ASNS: variants seen among roughly 807,000 people sequenced by gnomAD.
The protein encoded by ASNS is asparagine synthetase [glutamine-hydrolyzing].
A neutral mutation model predicts 62.6 loss-of-function variants in ASNS; 37 were observed. The ratio of observed to expected loss-of-function variants is 0.59; its 90% CI spans 0.45 to 0.78. The LOEUF is 0.78. Among genes scored for constraint, ASNS ranks in the 30% least tolerant of loss-of-function variants. ASNS has a pLI of 0.00. For missense variants in ASNS, 520 were observed against 682.4 expected (o/e 0.76, Z 2.65); for synonymous variants, 207 against 237.9 (o/e 0.87, Z 1.19).
upstream of ASNS, among the ~76,000 whole-genome samples, chr7:97,876,749 G>T (rs1792446415): frequency 2.0e-5 from 3 of 152,122 alleles, no homozygotes; most frequent in South Asian, 6.2e-4. Flanking sequence ...ATTAATTTTG[G>T]GGGGCAGTTA....
the ASNS span, among the ~76,000 whole-genome samples, chr7:97,886,572 A>G: frequency 6.6e-6 from 1 of 152,074 alleles, no homozygotes. Context: ...TTTGGAGGGG[A>G]GAAGTGGGGC....
the ASNS span, among the ~76,000 whole-genome samples, chr7:97,919,339 C>T: frequency 1.3e-5 from 2 of 152,190 alleles, no homozygotes; most frequent in Non-Finnish European, 2.9e-5. Context: ...TGGTCTCGAA[C>T]TCCTGGCCCA....
chr7:97,920,679 G>A, the ASNS span, among the ~76,000 whole-genome samples: 2 of 152,248 alleles, frequency 1.3e-5, no homozygotes, highest in Non-Finnish European at 2.9e-5. Flanking sequence ...TCACCTCAGT[G>A]CAGTTGCCTG....
chr7:97,871,879 G>T (rs1792283214), intron 1 of ASNS: 1 of 152,234 alleles, frequency 6.6e-6, no homozygotes, highest in Non-Finnish European at 1.5e-5. Flanking sequence ...CACCGAGACG[G>T]TGATAAGGCC....
the ASNS span, among the ~76,000 whole-genome samples, chr7:97,878,777 G>A: frequency 1.3e-5 from 2 of 152,092 alleles, no homozygotes; most frequent in Admixed American, 6.5e-5. Flanking sequence ...TTTCTTCACG[G>A]AATTGGAAAA....
rs201181563 is a variant in ASNS at position 97,858,395 on chromosome 7, G to A, written c.786C>T (p.Asp262=). 6.2e-6 allele frequency: 10 copies of A among 1,614,014 alleles called. No individual in the cohort carries two copies. The highest frequency in any genetic ancestry group is 8.5e-6 in the Non-Finnish European group (10 of 1,180,014). ...RIGCLLSGGL[D]SSLVAATLLK... Reference sequence around the variant, plus strand: ...ACAGAGTGGCAGCAACCAAGCTGGAGTCCAAGCCCCCTACATGCAAAAGAG... The same window carrying A: ...ACAGAGTGGCAGCAACCAAGCTGGAATCCAAGCCCCCTACATGCAAAAGAG... Residue 262 remains aspartate, a synonymous_variant, in exon 7 of 13, where the codon GAC becomes GAT. Coordinates refer to ENST00000394308, the MANE Select transcript of ASNS (RefSeq NM_001673.5).
At chr7:97,871,922 C>T (rs1248984950) in intron 1 of ASNS, 1 of 152,280 alleles carries the variant, frequency 6.6e-6, no homozygotes, top group Non-Finnish European at 1.5e-5. Context: ...CCACGCGACA[C>T]CTGACTGCGC....
chr7:97,912,774 G>C, the ASNS span, among the ~76,000 whole-genome samples: 43 of 150,846 alleles, frequency 2.9e-4, no homozygotes, highest in African/African-American at 9.5e-4. Flanking sequence ...GTAGAGATGG[G>C]GTTTCACATA....
chr7:97,900,530 A>G, the ASNS span, among the ~76,000 whole-genome samples: 2 of 152,276 alleles, frequency 1.3e-5, no homozygotes, highest in South Asian at 2.1e-4. Flanking sequence ...TGACCCAGCA[A>G]TTGTACTCCT....
At chr7:97,907,768 CAA>C in the ASNS span, among the ~76,000 whole-genome samples, 4 of 138,452 alleles carry the variant, frequency 2.9e-5, no homozygotes, top group Non-Finnish European at 1.5e-5. Flanking sequence ...GACTCCATCT[CAA>C]AAAAAAAAAA....
At chr7:97,909,720 G>A in the ASNS span, among the ~76,000 whole-genome samples, 1 of 152,238 alleles carries the variant, frequency 6.6e-6, no homozygotes, top group East Asian at 1.9e-4. Flanking sequence ...AACTGAGGGT[G>A]ACACAGAAAC....
chr7:97,867,342 A>G (rs915926079), intron 3 of ASNS, among the ~76,000 whole-genome samples: 1 of 152,190 alleles, frequency 6.6e-6, no homozygotes, highest in Non-Finnish European at 1.5e-5. Context: ...ATATAAGCCT[A>G]AAGTATACAT....
At chr7:97,875,288 T>C (rs868729834), upstream of ASNS, among the ~76,000 whole-genome samples, 1 of 152,186 alleles carries the variant, frequency 6.6e-6, no homozygotes, top group East Asian at 1.9e-4. Context: ...TACAGGCCCA[T>C]GCCACCACTG....
At chr7:97,888,331 T>C in the ASNS span, among the ~76,000 whole-genome samples, 5 of 151,628 alleles carry the variant, frequency 3.3e-5, no homozygotes, top group African/African-American at 9.7e-5. Flanking sequence ...GCTTTCTTTT[T>C]TTTTTTTTTT....
chr7:97,892,345 G>A, the ASNS span, among the ~76,000 whole-genome samples: 1 of 152,218 alleles, frequency 6.6e-6, no homozygotes, highest in Non-Finnish European at 1.5e-5. Flanking sequence ...GGGCTGCCAT[G>A]AAGACCTGTG....
the ASNS span, among the ~76,000 whole-genome samples, chr7:97,901,026 C>T: frequency 6.6e-6 from 1 of 152,152 alleles, no homozygotes; most frequent in East Asian, 1.9e-4. Context: ...GCAGAATTAA[C>T]ACAAATTGCA....
rs2115630548 is a variant in ASNS, at chr7:97,856,825, A to G, written c.904-9T>C. 2 of 1,593,584 alleles carry G rather than the reference A, an allele frequency of 1.3e-6. No individual in the cohort carries two copies. Among genetic ancestry groups the G allele is most frequent in the East Asian group, 4.5e-5 (2 of 44,738 alleles). ...CCAATATGATCTGCCACCTTATTAT[A>G]TAAAGAAATACCCATTTACTTGTTA... is the stretch of plus-strand genomic sequence containing the variant. On this transcript the variant is annotated splice_polypyrimidine_tract_variant and intron_variant, in intron 7 of 12. Coordinates refer to ENST00000394308, the MANE Select transcript of ASNS (RefSeq NM_001673.5).
the ASNS span, among the ~76,000 whole-genome samples, chr7:97,906,129 A>G: frequency 6.6e-6 from 1 of 152,032 alleles, no homozygotes; most frequent in Non-Finnish European, 1.5e-5. Flanking sequence ...ATCACCTATA[A>G]CTACCTCCTC....
chr7:97,914,357 T>G, the ASNS span, among the ~76,000 whole-genome samples: 1 of 152,124 alleles, frequency 6.6e-6, no homozygotes, highest in African/African-American at 2.4e-5. Context: ...TGATTATGGG[T>G]AGTGCTCAGC....
Sources: gnomAD v4.1 joint callset for allele counts (sites outside exome capture counted in the v4.1 genomes callset) on GRCh38, gnomAD v4.1.1 for gene constraint, MANE v1.5 for transcripts, NCBI Gene and HGNC (gene_info 2026-07-23, HGNC 2026-07-21) for gene names.